The following NARS1 variants were observed in gnomAD, a reference collection of about 807,000 sequenced individuals.
The protein encoded by NARS1 is asparaginyl-tRNA synthetase 1, also known as asparagine--tRNA ligase, cytoplasmic.
Under a neutral mutation model 79.2 loss-of-function variants are expected in NARS1, and 65 were observed. The ratio of observed to expected loss-of-function variants is 0.82; its 90% CI spans 0.67 to 1.01. The LOEUF (loss-of-function observed/expected upper bound fraction) is 1.01, where lower values mean the gene tolerates loss of function less well. Ranked by LOEUF, NARS1 falls within the 50% of genes least tolerant of loss-of-function variation. NARS1 has a pLI of 0.00. For missense variants in NARS1, 649 were observed against 673.8 expected, an observed-to-expected ratio of 0.96 and a Z score of 0.41; for synonymous variants, 229 against 238.8, an observed-to-expected ratio of 0.96 and a Z score of 0.38.
chr18:57,613,522 T>G lies in NARS1; in HGVS notation c.421+80A>C, dbSNP rs538868994. On this transcript the variant is annotated intron_variant, in intron 5 of 13. Transcript: ENST00000256854. The stretch of plus-strand genomic sequence containing the variant: ...AAAAAGGGGGAGAGAAAAAAACCCC[T>G]GCAAATCTTTGTATGTTTTTCTTCA... The G allele has an allele frequency of 5.4e-6, 7 of 1,304,270 alleles. No individual in the cohort carries two copies. In the East Asian group the frequency reaches 1.6e-4, roughly 30 times the overall value. The allele number at this position is 1,304,270 out of a possible 1,614,324, so 80.8% of individuals were successfully genotyped here.
At chr18:57,608,437 C>CATA (rs1289257321) in intron 7 of NARS1, among the ~76,000 whole-genome samples, 1 of 78,276 alleles carries the variant, frequency 1.3e-5, no homozygotes, top group Non-Finnish European at 2.2e-5. Flanking sequence ...AACTCCGTCT[C>CATA]AAAAAAAAAA....
At chr18:57,605,562 T>C (rs1419987301) in intron 11 of NARS1, among the ~76,000 whole-genome samples, 1 of 142,596 alleles carries the variant, frequency 7.0e-6, no homozygotes, top group African/African-American at 2.7e-5. Context: ...AGCCGAGATC[T>C]GAGATCATGC....
chr18:57,608,581 T>C (rs1190011257), intron 7 of NARS1, among the ~76,000 whole-genome samples: 3 of 152,176 alleles, frequency 2.0e-5, no homozygotes, highest in South Asian at 2.1e-4. Flanking sequence ...GGCTATATTA[T>C]AGCCCATGAG....
chr18:57,606,951 C>A lies in NARS1; in HGVS notation c.1001+183G>T, dbSNP rs932710623. 6.5e-6 allele frequency: 6 copies of A among 917,524 alleles called. No individual in the cohort carries two copies. The Admixed American group carries it at 1.2e-4, about 18-fold the overall frequency. The allele number at this position is 917,524 out of a possible 1,614,324, so 56.8% of individuals were successfully genotyped here. On this transcript the variant is annotated intron_variant, in intron 9 of 13. Coordinates refer to ENST00000256854, the MANE Select transcript of NARS1 (RefSeq NM_004539.4). ...CTCCTTTATATATAAAAGATCAAGT[C>A]AAAGTGAAAAAAGAGAACTTAGCTA...
chr18:57,606,551 G>T, intron 10 of NARS1, 65 bp downstream of exon 10: 3 of 1,504,538 alleles, frequency 2.0e-6, no homozygotes, highest in Non-Finnish European at 2.7e-6. Flanking sequence ...AAAACTGAGG[G>T]TGAAGACTTC....
chr18:57,605,053 G>A (rs1165489420), intron 11 of NARS1, among the ~76,000 whole-genome samples: 3 of 146,964 alleles, frequency 2.0e-5, no homozygotes, highest in Admixed American at 6.9e-5. Flanking sequence ...TCCACATTAA[G>A]AAGTTTTAAA....
intron 11 of NARS1, among the ~76,000 whole-genome samples, chr18:57,604,419 A>G (rs915651477): frequency 6.6e-6 from 1 of 152,078 alleles, no homozygotes; most frequent in East Asian, 1.9e-4. Context: ...AACCAAACTG[A>G]ATTCACAGAA....
intron 2 of NARS1, among the ~76,000 whole-genome samples, chr18:57,616,661 A>T (rs908601368): frequency 2.0e-5 from 3 of 152,058 alleles, no homozygotes; most frequent in African/African-American, 4.8e-5. Flanking sequence ...GTGAGAAATC[A>T]GAGAAGTGTC....
rs547985101 is a variant in NARS1 at position 57,621,639 on chromosome 18, G to A, written c.10+69C>T. 3.3e-5 allele frequency: 43 copies of A among 1,322,876 alleles called. No individual in the cohort carries two copies. In the South Asian group the frequency reaches 3.8e-4, roughly 12 times the overall value. The allele number at this position is 1,322,876 out of a possible 1,614,324, so 81.9% of individuals were successfully genotyped here. On this transcript the variant is annotated intron_variant, in intron 1 of 13. Coordinates refer to ENST00000256854, the MANE Select transcript of NARS1 (RefSeq NM_004539.4). ...TCTGGTAGGCACTAAGGAAAGCGCCGAAACCCGACTGGAGCAGAGTTCCTG... is the reference window on the plus strand; with the variant it reads ...TCTGGTAGGCACTAAGGAAAGCGCCAAAACCCGACTGGAGCAGAGTTCCTG...
At chr18:57,607,793 CT>C in intron 7 of NARS1, 128 bp from the exon 8 acceptor site, 1 of 719,712 alleles carries the variant, frequency 1.4e-6, no homozygotes, top group South Asian at 2.0e-5. Context: ...TAATTCTCAG[CT>C]TTAGTTTAGT....
rs2051550956 is a variant in NARS1, at chr18:57,605,861, C to T, written c.1247G>A (p.Gly416Glu). 1.3e-6 allele frequency: 2 copies of T among 1,594,144 alleles called. No individual in the cohort carries two copies. Among genetic ancestry groups the T allele is most frequent in the African/African-American group, 2.7e-5 (2 of 74,494 alleles). The change falls in exon 11 of 14, where the codon GGA becomes GAA. Residue 416 changes from glycine (G) to glutamate (E), a missense_variant. Coordinates refer to ENST00000256854, the MANE Select transcript of NARS1 (RefSeq NM_004539.4). ...ATGAGAGAAAGGGATACATACTTCT[C>T]CAAATTCATAGAAAGTTCCATCTTC... ...KKEDGTFYEF[G>E]EDIPEAPERL...
chr18:57,602,907 T>C lies in NARS1; in HGVS notation c.1288A>G (p.Thr430Ala). 6.2e-7 allele frequency: 1 copy of C among 1,614,122 alleles called. No homozygotes were observed. Among genetic ancestry groups the C allele is most frequent in the Non-Finnish European group, 8.5e-7 (1 of 1,179,978 alleles). The stretch of plus-strand genomic sequence containing the variant: ...CACAGCAAGATTGGTTCATTAATGG[T>C]GTCTGTCATCAGTCTCTCAGGAGCT... ...PEAPERLMTD[T>A]INEPILLCRF... Residue 430 changes from threonine to alanine, a missense_variant, in exon 12 of 14, where the codon ACC (threonine) becomes GCC (alanine). By Grantham distance (58) the Thr-to-Ala change is moderately conservative. Transcript: ENST00000256854.
Position 57,601,326 on chromosome 18 carries a change from T to C in NARS1, c.*326A>G, listed in dbSNP as rs1454194017. On this transcript the variant is annotated 3_prime_UTR_variant, in exon 14 of 14. Coordinates refer to ENST00000256854, the MANE Select transcript of NARS1 (RefSeq NM_004539.4). ...ACCATAATCTAAAATTGTTGAATTA[T>C]ACATACATATAACTTGAATAAAATG... 2 of 182,602 alleles carry C rather than the reference T, an allele frequency of 1.1e-5. No homozygotes were observed. The allele number at this position is 182,602 out of a possible 1,614,324, so 11.3% of individuals were successfully genotyped here. A position where few individuals can be genotyped will look rare whatever the true frequency, so the allele number is the denominator to read the frequency against.
rs774698734 is a variant in NARS1, at chr18:57,601,540, CAGAA to C, written c.*108_*111del. ...GTTTTTATGGTAGTAGAAAGAAAAA[CAGAA>C]AGAGAAACCCCAATGAAACAAAAAA... On this transcript the variant is annotated 3_prime_UTR_variant, in exon 14 of 14. Transcript: ENST00000256854. The C allele has an allele frequency of 4.7e-5, 52 of 1,115,294 alleles. No individual in the cohort carries two copies. The highest frequency in any genetic ancestry group is 6.2e-5 in the Non-Finnish European group (51 of 816,114). 69.1% of individuals were successfully genotyped at this position (1,115,294 alleles called of 1,614,324 possible). A position where few individuals can be genotyped will look rare whatever the true frequency, so the allele number is the denominator to read the frequency against.
intron 2 of NARS1, among the ~76,000 whole-genome samples, chr18:57,619,819 C>G (rs1316192869): frequency 1.3e-5 from 2 of 152,106 alleles, no homozygotes; most frequent in African/African-American, 4.8e-5. Flanking sequence ...TCCGGAGTAG[C>G]TGGGACCACA....
At chr18:57,603,773 G>A (rs1288864228) in intron 11 of NARS1, among the ~76,000 whole-genome samples, 1 of 137,862 alleles carries the variant, frequency 7.3e-6, no homozygotes, top group Non-Finnish European at 1.6e-5. Flanking sequence ...TTGCGTCCTC[G>A]GAGACGCCGA....
intron 2 of NARS1, among the ~76,000 whole-genome samples, chr18:57,616,731 A>G (rs1908043731): frequency 6.6e-6 from 1 of 152,032 alleles, no homozygotes; most frequent in Non-Finnish European, 1.5e-5. Flanking sequence ...GGCCGGGTGC[A>G]GTGGCTCAGG....
rs978889876 is a variant in NARS1, at chr18:57,602,895, G to A, written c.1300C>T (p.Pro434Ser). The change falls in exon 12 of 14, where the codon CCA (proline) becomes TCA (serine). Residue 434 changes from proline (P) to serine (S), a missense_variant. By Grantham distance (74) the Pro-to-Ser change is moderately conservative. Coordinates refer to ENST00000256854, the MANE Select transcript of NARS1 (RefSeq NM_004539.4). ...ERLMTDTINE[P>S]ILLCRFPVEI... The stretch of plus-strand genomic sequence containing the variant: ...ACAGGAAATCGACACAGCAAGATTG[G>A]TTCATTAATGGTGTCTGTCATCAGT... The A allele has an allele frequency of 6.2e-7, 1 of 1,613,950 alleles. No homozygotes were observed. The highest frequency in any genetic ancestry group is 1.3e-5 in the African/African-American group (1 of 74,916).
At chr18:57,608,042 A>G (rs2051574752) in intron 7 of NARS1, among the ~76,000 whole-genome samples, 2 of 151,762 alleles carry the variant, frequency 1.3e-5, no homozygotes, top group Admixed American at 6.6e-5. Context: ...TAATTTTTGT[A>G]TATTTAGTAG....
Sources: gnomAD v4.1 joint callset for allele counts (sites outside exome capture counted in the v4.1 genomes callset) on GRCh38, gnomAD v4.1.1 for gene constraint, MANE v1.5 for transcripts, NCBI Gene and HGNC (gene_info 2026-07-23, HGNC 2026-07-21) for gene names.